The following KTN1 variants were observed in gnomAD, a reference collection of about 807,000 sequenced individuals.
KTN1 encodes kinectin.
Under a neutral mutation model 222.5 loss-of-function variants are expected in KTN1, and 130 were observed. The ratio of observed to expected loss-of-function variants is 0.58; its 90% CI spans 0.51 to 0.68. The LOEUF (loss-of-function observed/expected upper bound fraction) is 0.68, where lower values mean the gene tolerates loss of function less well. Among genes scored for constraint, KTN1 ranks in the 30% least tolerant of loss-of-function variants. The pLI is 0.00. For missense variants in KTN1, 1,508 were observed against 1,500.4 expected, an observed-to-expected ratio of 1.01 and a Z score of -0.08; for synonymous variants, 512 against 496.3, an observed-to-expected ratio of 1.03 and a Z score of -0.42.
intron 18 of KTN1, among the ~76,000 whole-genome samples, chr14:55,646,095 A>G (rs1312655735): frequency 1.3e-5 from 2 of 148,828 alleles, no homozygotes; most frequent in South Asian, 2.1e-4. Context: ...CACTTTGGAC[A>G]TAAGATAAAT....
In KTN1 at chr14:55,634,254, C is replaced by T. The variant is rs148786665; in HGVS notation, c.1329-272C>T. 7.9e-5 allele frequency among the ~76,000 whole-genome samples: 12 copies of T among 152,246 alleles called. No homozygotes were observed. In the South Asian group the frequency reaches 2.1e-3, roughly 26 times the overall value. On this transcript the variant is annotated intron_variant, in intron 8 of 43. Coordinates refer to ENST00000395314, the MANE Select transcript of KTN1 (RefSeq NM_001079521.2). ...TACCCTGACTGGCTGATTTTTAATA[C>T]GTTTTCAGAAGACCAGTTTGAAGGT...
At chr14:55,683,276 A>G (rs1031881381) in intron 43 of KTN1, 3 of 152,064 alleles carry the variant, frequency 2.0e-5, no homozygotes, top group Admixed American at 1.3e-4. Context: ...TTTCCTCTAA[A>G]CTTTTTATTT....
intron 5 of KTN1, among the ~76,000 whole-genome samples, chr14:55,622,074 C>T: frequency 6.6e-6 from 1 of 151,940 alleles, no homozygotes; most frequent in Non-Finnish European, 1.5e-5. Context: ...GTCTCGATCT[C>T]CTGACCTCAT....
chr14:55,640,996 C>T (rs760334216), intron 16 of KTN1, 26 bp downstream of exon 16: 33 of 1,577,920 alleles, frequency 2.1e-5, no homozygotes, highest in South Asian at 1.9e-4. Flanking sequence ...TACATCTAGT[C>T]GTTCATACAT....
intron 19 of KTN1, among the ~76,000 whole-genome samples, chr14:55,647,506 G>A (rs1489576108): frequency 2.0e-5 from 3 of 151,734 alleles, no homozygotes; most frequent in African/African-American, 7.3e-5. Flanking sequence ...GGTGGTGCAT[G>A]CCTGTAATCC....
intron 1 of KTN1, among the ~76,000 whole-genome samples, chr14:55,603,019 C>T (rs529536602): frequency 6.6e-6 from 1 of 152,158 alleles, no homozygotes; most frequent in Non-Finnish European, 1.5e-5. Context: ...CTTTTATATT[C>T]TTCCTTTATG....
intron 1 of KTN1, among the ~76,000 whole-genome samples, chr14:55,594,504 T>G (rs1159557770): frequency 6.6e-6 from 1 of 151,784 alleles, no homozygotes; most frequent in Non-Finnish European, 1.5e-5. Context: ...TAGAGTTTTT[T>G]TTTTTTTTTT....
chr14:55,658,638 CT>C, intron 30 of KTN1, 24 bp downstream of exon 30: 2 of 1,507,690 alleles, frequency 1.3e-6, no homozygotes, highest in Non-Finnish European at 1.8e-6. Flanking sequence ...GATGTCTTGC[CT>C]TTCACTTACG....
intron 18 of KTN1, 142 bp downstream of exon 18, chr14:55,641,902 A>T: frequency 1.6e-6 from 1 of 626,204 alleles, no homozygotes; most frequent in Non-Finnish European, 2.9e-6. Flanking sequence ...TTCATCCTGT[A>T]TCTAAATTCA....
intron 31 of KTN1, among the ~76,000 whole-genome samples, chr14:55,660,748 G>A (rs935354838): frequency 2.0e-5 from 3 of 152,038 alleles, no homozygotes; most frequent in Non-Finnish European, 4.4e-5. Context: ...CCATAGGTCT[G>A]TTTTATACAT....
At chr14:55,648,993 A>T in intron 21 of KTN1, 123 bp downstream of exon 21, 7 of 662,920 alleles carry the variant, frequency 1.1e-5, no homozygotes, top group Non-Finnish European at 1.9e-5. Flanking sequence ...TGGTACAATC[A>T]TAACTCACCG....
rs1019598399 is a variant in KTN1, at chr14:55,672,419, C to T, written c.3532-211C>T. 22 of 442,434 alleles carry T rather than the reference C, an allele frequency of 5.0e-5. 1 individual carries two copies. In the East Asian group the frequency reaches 5.3e-4, roughly 11 times the overall value. The allele number at this position is 442,434 out of a possible 1,614,324, so 27.4% of individuals were successfully genotyped here. ...TAATAAAAAATTAATCACTTTTAGCCGAGCCTAATATACAAATGGAGTAGG... is the reference window on the plus strand; with the variant it reads ...TAATAAAAAATTAATCACTTTTAGCTGAGCCTAATATACAAATGGAGTAGG... On this transcript the variant is annotated intron_variant, in intron 37 of 43. Transcript: ENST00000395314.
intron 41 of KTN1, among the ~76,000 whole-genome samples, chr14:55,677,425 C>A (rs144996298): frequency 6.9e-6 from 1 of 145,336 alleles, no homozygotes; most frequent in Admixed American, 7.1e-5. Flanking sequence ...TGCAGTGAGC[C>A]GAGATTACGC....
intron 32 of KTN1, 130 bp from the exon 33 acceptor site, chr14:55,663,825 G>T: frequency 1.7e-6 from 1 of 596,398 alleles, no homozygotes; most frequent in Non-Finnish European, 3.0e-6. Flanking sequence ...TTGCTAATAT[G>T]CATATTTTCC....
At chr14:55,623,642 A>G (rs2039442292) in intron 5 of KTN1, among the ~76,000 whole-genome samples, 1 of 152,232 alleles carries the variant, frequency 6.6e-6, no homozygotes, top group African/African-American at 2.4e-5. Context: ...AAGTGCTAGG[A>G]TTACAGGTGT....
chr14:55,582,043 C>T (rs979315883), intron 1 of KTN1, among the ~76,000 whole-genome samples: 1 of 152,056 alleles, frequency 6.6e-6, no homozygotes, highest in Non-Finnish European at 1.5e-5. Context: ...AATACCTTAT[C>T]AAGTGAGCTT....
intron 28 of KTN1, among the ~76,000 whole-genome samples, chr14:55,655,789 T>C (rs1182785024): frequency 6.6e-6 from 1 of 152,216 alleles, no homozygotes; most frequent in Middle Eastern, 3.2e-3. Context: ...TGATAAAATA[T>C]AGTTTTGTTC....
At chr14:55,610,061 CCTTAA>C (rs1442680865) in intron 1 of KTN1, among the ~76,000 whole-genome samples, 1 of 152,144 alleles carries the variant, frequency 6.6e-6, no homozygotes, top group Non-Finnish European at 1.5e-5. Context: ...TCCTTTTCCC[CCTTAA>C]CTTGTTAAAA....
At position 55,650,517 on chromosome 14, in the gene KTN1, G is replaced by A. The variant is rs961647466; in HGVS notation, c.2497-52G>A. 11 of 1,531,230 alleles carry A rather than the reference G, an allele frequency of 7.2e-6. No homozygotes were observed. In the African/African-American group the frequency reaches 1.1e-4, roughly 15 times the overall value. 94.9% of individuals were successfully genotyped at this position (1,531,230 alleles called of 1,614,324 possible). On this transcript the variant is annotated intron_variant, in intron 23 of 43. Coordinates refer to ENST00000395314, the MANE Select transcript of KTN1 (RefSeq NM_001079521.2). ...TTTTTGTCTGTGCATTGCATTTTAT[G>A]TCAATTTCTGTGTTTCCATTGTCCA... is the stretch of plus-strand genomic sequence containing the variant.
Sources: allele counts gnomAD v4.1 joint callset (sites outside exome capture counted in the v4.1 genomes callset), GRCh38; gene constraint gnomAD v4.1.1; transcripts MANE v1.5; gene names NCBI Gene and HGNC (gene_info 2026-07-23, HGNC 2026-07-21).